Variants in MTPN observed in about 807,000 individuals in gnomAD.
MTPN encodes the protein myotrophin.
In MTPN, 2 loss-of-function variants were observed where a neutral mutation model predicts 13.5. The ratio of observed to expected loss-of-function variants is 0.15; its 90% CI spans 0.06 to 0.47. MTPN has a LOEUF of 0.47. Ranked by LOEUF, MTPN falls within the 20% of genes least tolerant of loss-of-function variation. The probability of loss-of-function intolerance (pLI) is 0.97; values close to 1 mark genes in which losing one functional copy is unlikely to be tolerated. For missense variants in MTPN, 79 were observed against 137.9 expected (o/e 0.57, Z 2.14); for synonymous variants, 46 against 51.7 (o/e 0.89, Z 0.48).
intron 3 of MTPN, among the ~76,000 whole-genome samples, chr7:135,944,967 C>T (rs1425710418): frequency 6.6e-6 from 1 of 152,176 alleles, no homozygotes; most frequent in East Asian, 1.9e-4. Context: ...TGGCCTACTA[C>T]ACACGTAGGA....
At chr7:135,955,632 G>C (rs1166711343) in intron 1 of MTPN, among the ~76,000 whole-genome samples, 1 of 152,120 alleles carries the variant, frequency 6.6e-6, no homozygotes, top group Non-Finnish European at 1.5e-5. Context: ...AGAAAATACT[G>C]TATGCCAATA....
At chr7:135,935,845 G>C (rs1319553407) in intron 3 of MTPN, among the ~76,000 whole-genome samples, 1 of 151,824 alleles carries the variant, frequency 6.6e-6, no homozygotes, top group Non-Finnish European at 1.5e-5. Flanking sequence ...TTGGGATGGT[G>C]CCCCAATTCT....
chr7:135,944,078 C>T (rs942590625), intron 3 of MTPN, among the ~76,000 whole-genome samples: 7 of 152,036 alleles, frequency 4.6e-5, no homozygotes, highest in East Asian at 1.9e-4. Flanking sequence ...GCAGTATATA[C>T]CATGTAAGGC....
intron 3 of MTPN, among the ~76,000 whole-genome samples, chr7:135,930,557 C>T (rs1454800682): frequency 6.6e-6 from 1 of 152,192 alleles, no homozygotes; most frequent in African/African-American, 2.4e-5. Flanking sequence ...GGGAAATATT[C>T]AGTGCAGACA....
At chr7:135,957,744 A>T (rs1457852018) in intron 1 of MTPN, among the ~76,000 whole-genome samples, 1 of 152,172 alleles carries the variant, frequency 6.6e-6, no homozygotes, top group Non-Finnish European at 1.5e-5. Flanking sequence ...TAATGTTCTC[A>T]CTGGGTGTGA....
chr7:135,975,068 TC>T (rs1256776226), intron 1 of MTPN, among the ~76,000 whole-genome samples: 1 of 152,226 alleles, frequency 6.6e-6, no homozygotes, highest in African/African-American at 2.4e-5. Flanking sequence ...TTTCTGAATG[TC>T]TACCCTCCCT....
rs1172554315 is a variant in MTPN at position 135,936,101 on chromosome 7, GACTA to G, written c.271-6093_271-6090del. 4.6e-5 allele frequency among the ~76,000 whole-genome samples: 7 copies of G among 152,054 alleles called. No individual in the cohort carries two copies. The South Asian group carries it at 6.2e-4, about 13-fold the overall frequency. On this transcript the variant is annotated intron_variant, in intron 3 of 3. Transcript: ENST00000393085. ...TTTACATATTTGTCTCCTTTTACCA[GACTA>G]ACTATGTTGAGGGCAGGAACAAGGC...
intron 3 of MTPN, among the ~76,000 whole-genome samples, chr7:135,934,603 G>GA (rs1480001172): frequency 6.6e-6 from 1 of 152,200 alleles, no homozygotes; most frequent in African/African-American, 2.4e-5. Context: ...AAAGCACAAG[G>GA]AAAAATCAGA....
chr7:135,951,692 A>G (rs1272115542), intron 1 of MTPN, 62 bp from the exon 2 acceptor site: 38 of 1,051,934 alleles, frequency 3.6e-5, no homozygotes, highest in Non-Finnish European at 5.1e-5. Flanking sequence ...AAGTGAAATG[A>G]GGCACCTGAT....
rs1798953349 is a variant in MTPN at position 135,928,052 on chromosome 7, T to C, written c.*1874A>G. 1 of 184,938 alleles carries C rather than the reference T, an allele frequency of 5.4e-6. No individual in the cohort carries two copies. Among genetic ancestry groups the C allele is most frequent in the Non-Finnish European group, 1.2e-5 (1 of 80,018 alleles). The allele number at this position is 184,938 out of a possible 1,614,324, so 11.5% of individuals were successfully genotyped here. On this transcript the variant is annotated 3_prime_UTR_variant, in exon 4 of 4. Coordinates refer to ENST00000393085, the MANE Select transcript of MTPN (RefSeq NM_145808.4). The stretch of plus-strand genomic sequence containing the variant: ...CGTTGATAGTTATAGACTGATAGAG[T>C]GCCCTCCATTTTCAATGAGGATGTC...
chr7:135,927,182 T>C lies in MTPN; in HGVS notation c.*2744A>G. 1 of 942,234 alleles carries C rather than the reference T, an allele frequency of 1.1e-6. No homozygotes were observed. Among genetic ancestry groups the C allele is most frequent in the South Asian group, 2.3e-5 (1 of 43,434 alleles). The allele number at this position is 942,234 out of a possible 1,614,324, so 58.4% of individuals were successfully genotyped here. Reference sequence around the variant, plus strand: ...ACATACAGATTTAAAATCCAGTACTTGGGAAAAGATATCAATGAATAAAAG... The same window carrying C: ...ACATACAGATTTAAAATCCAGTACTCGGGAAAAGATATCAATGAATAAAAG... On this transcript the variant is annotated 3_prime_UTR_variant, in exon 4 of 4. Coordinates refer to ENST00000393085, the MANE Select transcript of MTPN (RefSeq NM_145808.4).
At chr7:135,963,868 A>G (rs1287627808) in intron 1 of MTPN, among the ~76,000 whole-genome samples, 2 of 152,010 alleles carry the variant, frequency 1.3e-5, no homozygotes, top group East Asian at 3.9e-4. Flanking sequence ...TTTACTTATT[A>G]AATACACACC....
intron 1 of MTPN, among the ~76,000 whole-genome samples, chr7:135,968,014 A>G (rs962902678): frequency 6.6e-6 from 1 of 151,468 alleles, no homozygotes; most frequent in Non-Finnish European, 1.5e-5. Flanking sequence ...CTGGTCTTGA[A>G]CTCCTGGGCT....
rs1799705523 is a variant in MTPN at position 135,972,221 on chromosome 7, GCACGCGCGCGCACACA to G, written c.72+4792_72+4807del. On this transcript the variant is annotated intron_variant, in intron 1 of 3. Coordinates refer to ENST00000393085, the MANE Select transcript of MTPN (RefSeq NM_145808.4). ...GTTATAAATACACACGCGCACACGCGCACGCGCGCGCACACACACACACACACACACACACACACCC... is the reference window on the plus strand; with the variant it reads ...GTTATAAATACACACGCGCACACGCGCACACACACACACACACACACACCC... 4.2e-5 allele frequency among the ~76,000 whole-genome samples: 4 copies of G among 96,224 alleles called. No homozygotes were observed. In the South Asian group the frequency reaches 1.0e-3, roughly 25 times the overall value. 63.1% of individuals were successfully genotyped at this position (96,224 alleles called of 152,430 possible). A position where few individuals can be genotyped will look rare whatever the true frequency, so the allele number is the denominator to read the frequency against.
chr7:135,958,966 AAGTGTT>A (rs1432934344), intron 1 of MTPN, among the ~76,000 whole-genome samples: 1 of 152,186 alleles, frequency 6.6e-6, no homozygotes, highest in Non-Finnish European at 1.5e-5. Context: ...ATCCCCTGAT[AAGTGTT>A]ATAAACCACT....
intron 1 of MTPN, among the ~76,000 whole-genome samples, chr7:135,952,389 AATG>A (rs1291539595): frequency 2.0e-5 from 3 of 152,158 alleles, no homozygotes; most frequent in African/African-American, 7.2e-5. Context: ...AGAGACTAAA[AATG>A]ATGACTACCT....
At chr7:135,946,390 G>C (rs1482983839) in intron 3 of MTPN, among the ~76,000 whole-genome samples, 1 of 152,192 alleles carries the variant, frequency 6.6e-6, no homozygotes, top group Non-Finnish European at 1.5e-5. Flanking sequence ...AGCACTTAGG[G>C]AAGCATCATC....
At chr7:135,958,267 C>G (rs1361967099) in intron 1 of MTPN, among the ~76,000 whole-genome samples, 5 of 152,058 alleles carry the variant, frequency 3.3e-5, no homozygotes, top group South Asian at 4.1e-4. Flanking sequence ...CAATGTCTTA[C>G]TTGTTTATAT....
intron 1 of MTPN, among the ~76,000 whole-genome samples, chr7:135,952,958 TCAGA>T (rs1194740049): frequency 6.6e-6 from 1 of 152,272 alleles, no homozygotes; most frequent in East Asian, 1.9e-4. Flanking sequence ...AGACCCTGGC[TCAGA>T]CAAAGTTTAT....
Sources: gnomAD v4.1 joint callset for allele counts (sites outside exome capture counted in the v4.1 genomes callset) on GRCh38, gnomAD v4.1.1 for gene constraint, MANE v1.5 for transcripts, NCBI Gene and HGNC (gene_info 2026-07-23, HGNC 2026-07-21) for gene names.